Variants in RASGRF1 observed in about 807,000 individuals in gnomAD.
The protein encoded by RASGRF1 is Ras protein specific guanine nucleotide releasing factor 1.
A neutral mutation model predicts 138.7 loss-of-function variants in RASGRF1; 40 were observed. That is an observed-to-expected ratio of 0.29 (90% CI 0.22 to 0.38). The LOEUF is 0.38. RASGRF1 is among the 10% of genes least tolerant of loss of function. RASGRF1 has a pLI of 1.00. For missense variants in RASGRF1, 1,108 were observed against 1,650.4 expected (o/e 0.67, Z 5.69); for synonymous variants, 614 against 663.2 (o/e 0.93, Z 1.14).
At chr15:79,018,791 G>A (rs1372295103) in intron 11 of RASGRF1, among the ~76,000 whole-genome samples, 1 of 152,172 alleles carries the variant, frequency 6.6e-6, no homozygotes, top group South Asian at 2.1e-4. Context: ...GTGTGGGTGT[G>A]TTTCAGGTGG....
chr15:79,017,295 C>T (rs1276976287), intron 12 of RASGRF1, among the ~76,000 whole-genome samples: 2 of 152,156 alleles, frequency 1.3e-5, no homozygotes, highest in African/African-American at 2.4e-5. Context: ...GTAGCTGCCC[C>T]GACTCACTGA....
At chr15:79,020,577 A>G (rs900678624) in intron 10 of RASGRF1, among the ~76,000 whole-genome samples, 1 of 152,248 alleles carries the variant, frequency 6.6e-6, no homozygotes, top group Admixed American at 6.5e-5. Context: ...GAGAAGTTGC[A>G]TGTCTTGTTC....
At chr15:79,062,561 G>A (rs1379038756) in intron 2 of RASGRF1, among the ~76,000 whole-genome samples, 2 of 151,870 alleles carry the variant, frequency 1.3e-5, no homozygotes, top group Non-Finnish European at 2.9e-5. Context: ...TTGAGACTGA[G>A]CCTTGCTCTG....
At position 79,049,517 on chromosome 15, in the gene RASGRF1, G is replaced by A. The variant is rs775503815; in HGVS notation, c.603C>T (p.Ser201=). The change falls in exon 4 of 27, where the codon AGC becomes AGT. Residue 201 remains serine (S), a synonymous_variant. Coordinates refer to ENST00000558480, the MANE Select transcript of RASGRF1 (RefSeq NM_001145648.3). ...TQTVAPNDED[S]DIKKIKKVQS... ...TGACCTTCTTAATTTTCTTGATGTC[G>A]CTGTCTTCATCGTTGGGGGCGACAG... 44 of 1,613,848 alleles carry A rather than the reference G, an allele frequency of 2.7e-5. No homozygotes were observed. Among genetic ancestry groups the A allele is most frequent in the East Asian group, 8.9e-5 (4 of 44,872 alleles).
In RASGRF1 at chr15:79,020,052, G is replaced by A. The variant is rs1226471162; in HGVS notation, c.1595C>T (p.Thr532Met). The A allele has an allele frequency of 6.8e-6, 11 of 1,613,910 alleles. No individual in the cohort carries two copies. Among genetic ancestry groups the A allele is most frequent in the South Asian group, 3.3e-5 (3 of 91,088 alleles). Residue 532 changes from threonine (T) to methionine (M), a missense_variant, in exon 11 of 27, where the codon ACG becomes ATG. Physicochemically the swap from Thr to Met is moderately conservative, Grantham distance 81 (BLOSUM62 -1). This residue lies in a region of RASGRF1 where 686 missense variants were observed against 976.7 expected (regional missense o/e 0.70). Transcript: ENST00000558480. ...GCTTTCACACTCACCTTCCTCCTCCGTGCTTTCTGGCTCCTCCAATAAAGT... is the reference window on the plus strand; with the variant it reads ...GCTTTCACACTCACCTTCCTCCTCCATGCTTTCTGGCTCCTCCAATAAAGT... The part of the protein sequence containing the change: ...DCTLLEEPES[T>M]EEEAKGSGQD...
chr15:79,021,368 C>G (rs912857303), intron 10 of RASGRF1, among the ~76,000 whole-genome samples: 4 of 152,226 alleles, frequency 2.6e-5, no homozygotes, highest in Non-Finnish European at 5.9e-5. Context: ...AAGTGGACCA[C>G]CAAACCCTGT....
rs955750274 is a variant in RASGRF1, at chr15:79,050,698, A to T, written c.532-1110T>A. Among the ~76,000 whole-genome samples the T allele has an allele frequency of 6.6e-6, 1 of 152,202 alleles. No homozygotes were observed. Among genetic ancestry groups the T allele is most frequent in the African/African-American group, 2.4e-5 (1 of 41,458 alleles). On this transcript the variant is annotated intron_variant, in intron 3 of 26. Coordinates refer to ENST00000558480, the MANE Select transcript of RASGRF1 (RefSeq NM_001145648.3). This position sits in a 1 kb window ranked among gnomAD's most constrained non-coding sequence, Gnocchi z 4.1. ...AAAACCAAGGCATGGTGCCTAGGAG[A>T]AGGTACACCTTAAGCTGCACTGTGG...
chr15:79,076,136 A>G (rs1230528507), intron 1 of RASGRF1, among the ~76,000 whole-genome samples: 1 of 152,204 alleles, frequency 6.6e-6, no homozygotes, highest in Admixed American at 6.5e-5. Context: ...CTGTGCCATC[A>G]AGGCCATTCT....
intron 12 of RASGRF1, among the ~76,000 whole-genome samples, chr15:79,016,152 T>C (rs1233605501): frequency 6.6e-6 from 1 of 152,094 alleles, no homozygotes; most frequent in Non-Finnish European, 1.5e-5. Context: ...CATGAGAGGG[T>C]TTCTTCTTGG....
At chr15:79,076,209 G>T (rs557416697) in intron 1 of RASGRF1, among the ~76,000 whole-genome samples, 1 of 151,136 alleles carries the variant, frequency 6.6e-6, no homozygotes, top group Non-Finnish European at 1.5e-5. Flanking sequence ...CTCAATCCAG[G>T]CTACACATTA....
rs2057156805 is a variant in RASGRF1, at chr15:79,032,540, T to TAA, written c.959-225_959-224insTT. Among the ~76,000 whole-genome samples, 1 of 152,120 alleles carries TAA rather than the reference T, an allele frequency of 6.6e-6. No individual in the cohort carries two copies. Among genetic ancestry groups the TAA allele is most frequent in the South Asian group, 2.1e-4 (1 of 4,824 alleles). Reference sequence around the variant, plus strand: ...GGACCACATTAGAATCACAGACTCTTAGAGACGTGGGGCCCTGTCTAGTCG... The same window carrying TAA: ...GGACCACATTAGAATCACAGACTCTTAAAGAGACGTGGGGCCCTGTCTAGTCG... On this transcript the variant is annotated intron_variant, in intron 6 of 26. Transcript: ENST00000558480. The surrounding 1 kb of genome is among the most constrained non-coding windows in gnomAD (Gnocchi z 4.5).
At chr15:79,000,546 G>T (rs148520769) in intron 16 of RASGRF1, among the ~76,000 whole-genome samples, 2 of 152,158 alleles carry the variant, frequency 1.3e-5, no homozygotes, top group African/African-American at 4.8e-5. Context: ...AAAGTACTTT[G>T]TGTTAGGTGA....
At chr15:79,009,233 G>C (rs2056745097) in intron 13 of RASGRF1, among the ~76,000 whole-genome samples, 1 of 152,204 alleles carries the variant, frequency 6.6e-6, no homozygotes, top group African/African-American at 2.4e-5. Flanking sequence ...GGCTTCTGAA[G>C]AAAACAAACC....
intron 2 of RASGRF1, 69 bp downstream of exon 2, chr15:79,064,351 C>T: frequency 1.4e-6 from 2 of 1,453,126 alleles, no homozygotes; most frequent in South Asian, 1.2e-5. Flanking sequence ...TGTTCAAAGG[C>T]CCTTGGGTCT....
At chr15:78,964,484 T>C (rs981300596) in intron 26 of RASGRF1, among the ~76,000 whole-genome samples, 2 of 152,106 alleles carry the variant, frequency 1.3e-5, no homozygotes, top group African/African-American at 4.8e-5. Context: ...CAGTAATATT[T>C]ATTTGTATTG....
At chr15:79,075,606 A>T (rs1386928167) in intron 1 of RASGRF1, among the ~76,000 whole-genome samples, 1 of 152,132 alleles carries the variant, frequency 6.6e-6, no homozygotes, top group African/African-American at 2.4e-5. Context: ...CAGCCTCTCC[A>T]CTGAACACAG....
In RASGRF1 at chr15:78,995,677, G is replaced by C. The variant is rs2056376616; in HGVS notation, c.3027+63C>G. On this transcript the variant is annotated intron_variant, in intron 20 of 26. Transcript: ENST00000558480. The stretch of plus-strand genomic sequence containing the variant: ...TACGGGTGATGCCTGTGATGGGTCA[G>C]GGGTCCTGGGCAGGAGGATGGGGAG... The C allele has an allele frequency of 8.3e-6, 13 of 1,573,728 alleles. No individual in the cohort carries two copies. The Admixed American group carries it at 8.3e-5, about 10-fold the overall frequency.
chr15:78,991,835 A>G (rs1239562264), intron 20 of RASGRF1, 41 bp from the exon 21 acceptor site: 3 of 1,516,706 alleles, frequency 2.0e-6, no homozygotes, highest in Non-Finnish European at 2.7e-6. Flanking sequence ...AGTTAGGCCC[A>G]TGACGGACAC....
At chr15:79,055,228 T>C (rs867967773) in intron 3 of RASGRF1, among the ~76,000 whole-genome samples, 4 of 152,146 alleles carry the variant, frequency 2.6e-5, no homozygotes, top group Non-Finnish European at 4.4e-5. Context: ...GTGGCACTCA[T>C]CACTCACATG....
Sources: gnomAD v4.1 joint callset for allele counts (sites outside exome capture counted in the v4.1 genomes callset) on GRCh38, gnomAD v4.1.1 for gene constraint, gnomAD v4.1.1 regional missense constraint, Gnocchi (gnomAD v3.1) non-coding constraint, MANE v1.5 for transcripts, NCBI Gene and HGNC (gene_info 2026-07-23, HGNC 2026-07-21) for gene names.